The following ZCCHC17 variants were observed in gnomAD, a reference collection of about 807,000 sequenced individuals.
The protein encoded by ZCCHC17 is zinc finger CCHC domain-containing protein 17.
ZCCHC17 carries 18 observed loss-of-function variants against 30.6 expected under a neutral mutation model. The observed-to-expected ratio is 0.59, with a 90% confidence interval of 0.41 to 0.87. The LOEUF (loss-of-function observed/expected upper bound fraction) is 0.87, where lower values mean the gene tolerates loss of function less well. ZCCHC17 is among the 40% of genes least tolerant of loss of function. The probability of loss-of-function intolerance (pLI) is 0.00; values close to 1 mark genes in which losing one functional copy is unlikely to be tolerated. For synonymous variants in ZCCHC17, 88 were observed against 92.4 expected, an observed-to-expected ratio of 0.95 and a Z score of 0.27; for missense variants, 263 against 284.2, an observed-to-expected ratio of 0.93 and a Z score of 0.54.
At chr1:31,351,030 C>T (rs1016532686) in intron 7 of ZCCHC17, among the ~76,000 whole-genome samples, 2 of 152,176 alleles carry the variant, frequency 1.3e-5, no homozygotes, top group East Asian at 1.9e-4. Flanking sequence ...TTAGAGTTGG[C>T]TGTTATGACA....
intron 3 of ZCCHC17, among the ~76,000 whole-genome samples, chr1:31,323,378 G>A (rs1646907143): frequency 6.6e-6 from 1 of 151,872 alleles, no homozygotes; most frequent in African/African-American, 2.4e-5. Flanking sequence ...CTGGAGTGCA[G>A]TGGCACAATC....
intron 7 of ZCCHC17, among the ~76,000 whole-genome samples, chr1:31,360,855 T>C (rs142405007): frequency 1.6e-4 from 25 of 152,326 alleles, no homozygotes; most frequent in African/African-American, 5.3e-4. Flanking sequence ...TAATAACTCA[T>C]GAAGTTTGAC....
intron 3 of ZCCHC17, among the ~76,000 whole-genome samples, chr1:31,326,429 T>C (rs1638348053): frequency 1.3e-5 from 2 of 152,212 alleles, no homozygotes; most frequent in African/African-American, 4.8e-5. Context: ...CAGTCTGTAA[T>C]TAAGTTTCTC....
intron 1 of ZCCHC17, among the ~76,000 whole-genome samples, chr1:31,305,372 T>C (rs909922899): frequency 6.6e-6 from 1 of 151,904 alleles, no homozygotes; most frequent in African/African-American, 2.4e-5. Flanking sequence ...CTCCATCTCT[T>C]GGGCTCAAGT....
chr1:31,304,404 C>G (rs1646396642), intron 1 of ZCCHC17, among the ~76,000 whole-genome samples: 1 of 151,912 alleles, frequency 6.6e-6, no homozygotes, highest in Non-Finnish European at 1.5e-5. Flanking sequence ...CTGTCTCAGT[C>G]TCCCGAGTAG....
At chr1:31,301,379 G>A (rs530111887) in intron 1 of ZCCHC17, among the ~76,000 whole-genome samples, 8 of 152,172 alleles carry the variant, frequency 5.3e-5, no homozygotes, top group African/African-American at 1.9e-4. Flanking sequence ...AATCTTGAGC[G>A]AGTTTACTTA....
chr1:31,350,574 G>A (rs1400173232), intron 7 of ZCCHC17, among the ~76,000 whole-genome samples: 7 of 151,710 alleles, frequency 4.6e-5, no homozygotes, highest in African/African-American at 1.7e-4. Flanking sequence ...CTATTTACTA[G>A]CTGTTAATTT....
intron 7 of ZCCHC17, among the ~76,000 whole-genome samples, chr1:31,357,115 A>G (rs1204172599): frequency 6.6e-6 from 1 of 152,148 alleles, no homozygotes; most frequent in East Asian, 1.9e-4. Context: ...TCAGAATATA[A>G]TTTTCTTTTG....
In ZCCHC17 at chr1:31,313,068, C is replaced by CTTTTT. The variant is rs59004055; in HGVS notation, c.66+2920_66+2924dup. Among the ~76,000 whole-genome samples the CTTTTT allele has an allele frequency of 5.6e-4, 63 of 113,498 alleles. 1 individual carries two copies. Among genetic ancestry groups the CTTTTT allele is most frequent in the African/African-American group, 1.7e-3 (50 of 29,796 alleles). The allele number at this position is 113,498 out of a possible 152,430, so 74.5% of individuals were successfully genotyped here. A position where few individuals can be genotyped will look rare whatever the true frequency, so the allele number is the denominator to read the frequency against. ...AGGTGTGAGCCACCACACTGGGCCT[C>CTTTTT]TTTTTTTTTTTTTTTTTTTTCTTTT... On this transcript the variant is annotated intron_variant, in intron 2 of 7. Transcript: ENST00000344147.
At chr1:31,338,208 C>A (rs1160658361) in intron 4 of ZCCHC17, among the ~76,000 whole-genome samples, 1 of 146,402 alleles carries the variant, frequency 6.8e-6, no homozygotes, top group Non-Finnish European at 1.5e-5. Context: ...CTGGTTCAAA[C>A]TCCTGGGCTC....
At position 31,351,861 on chromosome 1, in the gene ZCCHC17, C is replaced by T. The variant is rs578214936; in HGVS notation, c.564+2887C>T. Among the ~76,000 whole-genome samples, 19 of 152,288 alleles carry T rather than the reference C, an allele frequency of 1.2e-4. No individual in the cohort carries two copies. In the South Asian group the frequency reaches 3.7e-3, roughly 30 times the overall value. On this transcript the variant is annotated intron_variant, in intron 7 of 7. Transcript: ENST00000344147. ...TGTTCCAAGGGAATCTCATCCTGTC[C>T]TATGGTTTTAAATATCATCCCTATA...
At chr1:31,361,543 T>C (rs1007029185) in intron 7 of ZCCHC17, among the ~76,000 whole-genome samples, 2 of 152,240 alleles carry the variant, frequency 1.3e-5, no homozygotes, top group African/African-American at 2.4e-5. Flanking sequence ...AATTTGAACT[T>C]AATTCTATCT....
intron 5 of ZCCHC17, among the ~76,000 whole-genome samples, chr1:31,342,405 C>A (rs1639081215): frequency 2.0e-5 from 3 of 152,150 alleles, no homozygotes; most frequent in Non-Finnish European, 4.4e-5. Context: ...GTAATAAATA[C>A]TAAAAGAGTA....
In ZCCHC17 at chr1:31,364,015, T is replaced by C; in HGVS notation, c.565-17T>C. 2 of 1,606,730 alleles carry C rather than the reference T, an allele frequency of 1.2e-6. No individual in the cohort carries two copies. Among genetic ancestry groups the C allele is most frequent in the South Asian group, 2.2e-5 (2 of 90,232 alleles). On this transcript the variant is annotated splice_polypyrimidine_tract_variant and intron_variant, in intron 7 of 7. Transcript: ENST00000344147. Reference sequence around the variant, plus strand: ...AATATACACATACAGTGTTGATTTTTAAAATTTTCTTTTCAGGAGAAGAAG... The same window carrying C: ...AATATACACATACAGTGTTGATTTTCAAAATTTTCTTTTCAGGAGAAGAAG...
At chr1:31,308,807 T>C (rs1646529187) in intron 1 of ZCCHC17, among the ~76,000 whole-genome samples, 1 of 152,218 alleles carries the variant, frequency 6.6e-6, no homozygotes, top group Non-Finnish European at 1.5e-5. Context: ...AGGTAACACC[T>C]CAGACCTACT....
At chr1:31,332,780 C>T (rs1638640745) in intron 3 of ZCCHC17, among the ~76,000 whole-genome samples, 1 of 152,008 alleles carries the variant, frequency 6.6e-6, no homozygotes, top group African/African-American at 2.4e-5. Flanking sequence ...TGCCACCACA[C>T]CTGGCTAATT....
In ZCCHC17 at chr1:31,306,652, G is replaced by C. The variant is rs79943016; in HGVS notation, c.-55-3392G>C. ...GGACTACTGTACTGTTATATTTCAGGCTTTCCCTCAAAAATGCATGCCAGT... is the reference window on the plus strand; with the variant it reads ...GGACTACTGTACTGTTATATTTCAGCCTTTCCCTCAAAAATGCATGCCAGT... On this transcript the variant is annotated intron_variant, in intron 1 of 7. Coordinates refer to ENST00000344147, the MANE Select transcript of ZCCHC17 (RefSeq NM_016505.4). Among the ~76,000 whole-genome samples the C allele has an allele frequency of 5.9e-3, 896 of 151,906 alleles. 70 individuals carry two copies. The East Asian group carries it at 0.15, about 25-fold the overall frequency.
intron 1 of ZCCHC17, among the ~76,000 whole-genome samples, chr1:31,304,602 A>T (rs1326148137): frequency 1.5e-5 from 2 of 134,934 alleles, no homozygotes; most frequent in Non-Finnish European, 3.2e-5. Context: ...ATATACTCTT[A>T]TTTTTTTTTT....
chr1:31,305,285 AT>A (rs1646424087), intron 1 of ZCCHC17, among the ~76,000 whole-genome samples: 1 of 149,752 alleles, frequency 6.7e-6, no homozygotes, highest in Admixed American at 6.6e-5. Flanking sequence ...TTTTTTTTTA[AT>A]TTCTTTTTTT....
Sources: allele counts gnomAD v4.1 joint callset (sites outside exome capture counted in the v4.1 genomes callset), GRCh38; gene constraint gnomAD v4.1.1; transcripts MANE v1.5; gene names NCBI Gene and HGNC (gene_info 2026-07-23, HGNC 2026-07-21).